MNDA: variants seen among roughly 807,000 people sequenced by gnomAD.
MNDA encodes the protein epididymis secretory sperm binding protein.
MNDA carries 43 observed loss-of-function variants against 37.8 expected under a neutral mutation model. That is an observed-to-expected ratio of 1.14 (90% CI 0.89 to 1.47). The LOEUF is 1.47. Among genes scored for constraint, MNDA ranks in the 40% most tolerant of loss-of-function variants. The pLI is 0.00. For missense variants in MNDA, 536 were observed against 476.0 expected (o/e 1.13, Z -1.17); for synonymous variants, 181 against 169.0 (o/e 1.07, Z -0.55).
rs2102053898 is a variant in MNDA at position 158,849,298 on chromosome 1, TG to T, written c.*62del. 6.9e-7 allele frequency: 1 copy of T among 1,447,566 alleles called. No individual in the cohort carries two copies. The highest frequency in any genetic ancestry group is 1.4e-5 in the African/African-American group (1 of 70,848). The allele number at this position is 1,447,566 out of a possible 1,614,324, so 89.7% of individuals were successfully genotyped here. A position where few individuals can be genotyped will look rare whatever the true frequency, so the allele number is the denominator to read the frequency against. On this transcript the variant is annotated 3_prime_UTR_variant, in exon 7 of 7. Transcript: ENST00000368141. ...TTAAAACAATTAAGTTGTTAATAAC[TG>T]TGATTTTGTAAATTTCAGTAATTCA... is the stretch of plus-strand genomic sequence containing the variant.
At chr1:158,836,888 A>C (rs910961856) in intron 1 of MNDA, among the ~76,000 whole-genome samples, 5 of 151,814 alleles carry the variant, frequency 3.3e-5, no homozygotes, top group African/African-American at 1.2e-4. Flanking sequence ...TTTGCATTTA[A>C]TGAAATGATA....
intron 1 of MNDA, 122 bp from the exon 2 acceptor site, chr1:158,842,012 T>G (rs1659036812): frequency 6.6e-6 from 5 of 755,480 alleles, no homozygotes; most frequent in Non-Finnish European, 1.1e-5. Flanking sequence ...ACTTAGTCCC[T>G]TTTTCTTATA....
chr1:158,841,396 G>T (rs760408445), intron 1 of MNDA, among the ~76,000 whole-genome samples: 2 of 152,192 alleles, frequency 1.3e-5, no homozygotes, highest in Non-Finnish European at 2.9e-5. Flanking sequence ...CTACTTGGTT[G>T]TCTGACAGAA....
At chr1:158,837,634 C>T (rs1198034071) in intron 1 of MNDA, among the ~76,000 whole-genome samples, 2 of 151,398 alleles carry the variant, frequency 1.3e-5, no homozygotes, top group Non-Finnish European at 3.0e-5. Flanking sequence ...ACTTGGATCC[C>T]CTGTTTTTAA....
chr1:158,848,046 C>A, intron 6 of MNDA, 130 bp downstream of exon 6: 1 of 791,926 alleles, frequency 1.3e-6, no homozygotes, highest in Non-Finnish European at 2.0e-6. Context: ...AAACAATGCC[C>A]TTGCATTTGT....
chr1:158,841,425 G>A (rs1347353611), intron 1 of MNDA, among the ~76,000 whole-genome samples: 1 of 152,162 alleles, frequency 6.6e-6, no homozygotes, highest in South Asian at 2.1e-4. Flanking sequence ...GTAAAAGTAA[G>A]ACTAGTTGGA....
intron 1 of MNDA, among the ~76,000 whole-genome samples, chr1:158,836,253 G>A (rs1401494589): frequency 6.6e-6 from 1 of 151,934 alleles, no homozygotes; most frequent in African/African-American, 2.4e-5. Flanking sequence ...AATGAGTTTG[G>A]AAGTGTTCCC....
chr1:158,840,927 A>G (rs1659018196), intron 1 of MNDA, among the ~76,000 whole-genome samples: 1 of 152,212 alleles, frequency 6.6e-6, no homozygotes, highest in Non-Finnish European at 1.5e-5. Context: ...TAATTATATA[A>G]AAGTTGCACA....
chr1:158,845,877 T>C lies in MNDA; in HGVS notation c.861T>C (p.Ser287=), dbSNP rs761647873. 4 of 1,614,194 alleles carry C rather than the reference T, an allele frequency of 2.5e-6. No homozygotes were observed. The highest frequency in any genetic ancestry group is 2.2e-5 in the East Asian group (1 of 44,878). ...VMEIKEASSV[S]DFNQNFEVPN... ...AAATAAAGGAAGCATCATCTGTGTC[T>C]GACTTTAATCAAAATTTTGAGGTCC... Residue 287 remains serine, a synonymous_variant, in exon 5 of 7, where the codon TCT becomes TCC. Transcript: ENST00000368141.
chr1:158,842,712 A>C (rs1292417496), intron 2 of MNDA: 3 of 238,990 alleles, frequency 1.3e-5, no homozygotes, highest in African/African-American at 6.7e-5. Flanking sequence ...ATGAAAAAAA[A>C]AGCTACTTTA....
chr1:158,848,435 T>C (rs1004017635), intron 6 of MNDA, among the ~76,000 whole-genome samples: 6 of 151,964 alleles, frequency 3.9e-5, no homozygotes, highest in Admixed American at 6.6e-5. Flanking sequence ...AAGGAAATGA[T>C]ACATGAAAAT....
At chr1:158,848,406 T>C (rs1215155776) in intron 6 of MNDA, among the ~76,000 whole-genome samples, 1 of 128,166 alleles carries the variant, frequency 7.8e-6, no homozygotes, top group African/African-American at 3.0e-5. Flanking sequence ...AAGGTAAAAA[T>C]TGGAGGGACT....
intron 1 of MNDA, among the ~76,000 whole-genome samples, chr1:158,832,031 C>T (rs2102042806): frequency 6.6e-6 from 1 of 152,228 alleles, no homozygotes; most frequent in East Asian, 1.9e-4. Context: ...ATTTTACAAG[C>T]ATTTACTCAA....
intron 1 of MNDA, among the ~76,000 whole-genome samples, chr1:158,838,219 C>T (rs1049055624): frequency 2.0e-5 from 3 of 151,898 alleles, no homozygotes; most frequent in African/African-American, 7.2e-5. Flanking sequence ...CATCTAGCAT[C>T]CTTGTGTTTC....
In MNDA at chr1:158,842,054, A is replaced by G. The variant is rs1018110585; in HGVS notation, c.-20-80A>G. On this transcript the variant is annotated intron_variant, in intron 1 of 6. Coordinates refer to ENST00000368141, the MANE Select transcript of MNDA (RefSeq NM_002432.3). Reference sequence around the variant, plus strand: ...CAAGGACAACATTTTGGCCTGGGACACTCACTCACAAAAGCATATCTCATT... The same window carrying G: ...CAAGGACAACATTTTGGCCTGGGACGCTCACTCACAAAAGCATATCTCATT... 1.1e-5 allele frequency: 14 copies of G among 1,286,886 alleles called. No individual in the cohort carries two copies. The African/African-American group carries it at 1.5e-4, about 14-fold the overall frequency. 79.7% of individuals were successfully genotyped at this position (1,286,886 alleles called of 1,614,324 possible).
At chr1:158,835,251 G>C (rs1453561102) in intron 1 of MNDA, among the ~76,000 whole-genome samples, 1 of 152,026 alleles carries the variant, frequency 6.6e-6, no homozygotes, top group Admixed American at 6.5e-5. Context: ...TCTAACCCCT[G>C]GACACAGATG....
At chr1:158,844,149 A>C in intron 4 of MNDA, 27 bp downstream of exon 4, 2 of 1,460,880 alleles carry the variant, frequency 1.4e-6, no homozygotes, top group South Asian at 1.4e-5. Flanking sequence ...CCTCTTCTCC[A>C]TTTTTTTTTA....
At chr1:158,846,275 C>T (rs932763297) in intron 5 of MNDA, among the ~76,000 whole-genome samples, 1 of 152,164 alleles carries the variant, frequency 6.6e-6, no homozygotes, top group African/African-American at 2.4e-5. Flanking sequence ...ATACAGGGTC[C>T]AAATCAACGG....
chr1:158,845,874 G>A lies in MNDA; in HGVS notation c.858G>A (p.Val286=). 6.2e-7 allele frequency: 1 copy of A among 1,614,170 alleles called. No homozygotes were observed. Among genetic ancestry groups the A allele is most frequent in the Non-Finnish European group, 8.5e-7 (1 of 1,180,020 alleles). The change falls in exon 5 of 7, where the codon GTG becomes GTA. Residue 286 remains valine (V), a synonymous_variant. Transcript: ENST00000368141. ...GVMEIKEASS[V]SDFNQNFEVP... Reference sequence around the variant, plus strand: ...TGGAAATAAAGGAAGCATCATCTGTGTCTGACTTTAATCAAAATTTTGAGG... The same window carrying A: ...TGGAAATAAAGGAAGCATCATCTGTATCTGACTTTAATCAAAATTTTGAGG...
Sources: gnomAD v4.1 joint callset for allele counts (sites outside exome capture counted in the v4.1 genomes callset) on GRCh38, gnomAD v4.1.1 for gene constraint, MANE v1.5 for transcripts, NCBI Gene and HGNC (gene_info 2026-07-23, HGNC 2026-07-21) for gene names.